Variants in KIRREL3 observed in about 807,000 individuals in gnomAD.
KIRREL3 encodes kin of IRRE-like protein 3.
In KIRREL3, 36 loss-of-function variants were observed where a neutral mutation model predicts 89.7. The ratio of observed to expected loss-of-function variants is 0.40; its 90% confidence interval spans 0.31 to 0.53. The LOEUF (loss-of-function observed/expected upper bound fraction) is 0.53, where lower values mean the gene tolerates loss of function less well. KIRREL3 is among the 20% of genes least tolerant of loss of function. The probability of loss-of-function intolerance (pLI) is 0.49; values close to 1 mark genes in which losing one functional copy is unlikely to be tolerated. For missense variants in KIRREL3, 864 were observed against 1,056.6 expected (o/e 0.82, Z 2.53); for synonymous variants, 445 against 441.4 (o/e 1.01, Z -0.10).
In KIRREL3 at chr11:126,710,476, C is replaced by T. The variant is rs527989421; in HGVS notation, c.56-147564G>A. Among the ~76,000 whole-genome samples, 185 of 152,196 alleles carry T rather than the reference C, an allele frequency of 1.2e-3. 2 individuals are homozygous for T. In the South Asian group the frequency reaches 0.024, roughly 20 times the overall value. On this transcript the variant is annotated intron_variant, in intron 1 of 16. Transcript: ENST00000525144. The surrounding 1 kb of genome is among the most constrained non-coding windows in gnomAD (Gnocchi z 4.2). Reference sequence around the variant, plus strand: ...ATTCAAGTAACCCTTCATGGCATGCCGAGATTCCTAATGAGATGAGAATAC... The same window carrying T: ...ATTCAAGTAACCCTTCATGGCATGCTGAGATTCCTAATGAGATGAGAATAC...
At position 126,471,311 on chromosome 11, in the gene KIRREL3, G is replaced by A. The variant is rs990089821; in HGVS notation, c.591+1998C>T. Reference sequence around the variant, plus strand: ...CTTGAGCCCAGGAGGTGGAGGTTGCGGTGAGCTGAGATCACGCCATTGCAC... The same window carrying A: ...CTTGAGCCCAGGAGGTGGAGGTTGCAGTGAGCTGAGATCACGCCATTGCAC... On this transcript the variant is annotated intron_variant, in intron 5 of 16. Transcript: ENST00000525144. The surrounding 1 kb of genome is among the most constrained non-coding windows in gnomAD (Gnocchi z 5.4). 4.6e-5 allele frequency among the ~76,000 whole-genome samples: 7 copies of A among 151,566 alleles called. No individual in the cohort carries two copies. Among genetic ancestry groups the A allele is most frequent in the South Asian group, 2.1e-4 (1 of 4,830 alleles).
chr11:126,480,496 AG>A (rs1460161697), intron 4 of KIRREL3, among the ~76,000 whole-genome samples: 1 of 152,234 alleles, frequency 6.6e-6, no homozygotes, highest in Non-Finnish European at 1.5e-5. Context: ...TACTTGGCAA[AG>A]ACCACACAGC....
chr11:126,502,877 T>C (rs1008281589), intron 4 of KIRREL3, among the ~76,000 whole-genome samples: 2 of 152,208 alleles, frequency 1.3e-5, no homozygotes, highest in Non-Finnish European at 2.9e-5. Flanking sequence ...TAATTATTTT[T>C]CTCTCTTGCG....
In KIRREL3 at chr11:126,508,098, C is replaced by T. The variant is rs1346889852; in HGVS notation, c.433+13217G>A. On this transcript the variant is annotated intron_variant, in intron 4 of 16. Coordinates refer to ENST00000525144, the MANE Select transcript of KIRREL3 (RefSeq NM_032531.4). This position sits in a 1 kb window ranked among gnomAD's most constrained non-coding sequence, Gnocchi z 4.9. ...CTTCTCCTCCCTTTCTTGCCTGCAC[C>T]ACTGAAGCTGCTGGGTGATCTCTCA... Among the ~76,000 whole-genome samples, 5 of 152,180 alleles carry T rather than the reference C, an allele frequency of 3.3e-5. No individual in the cohort carries two copies. The highest frequency in any genetic ancestry group is 7.3e-5 in the Non-Finnish European group (5 of 68,036).
intron 9 of KIRREL3, among the ~76,000 whole-genome samples, chr11:126,445,623 G>C (rs1591544195): frequency 3.9e-5 from 6 of 152,192 alleles, no homozygotes; most frequent in Admixed American, 3.9e-4. Flanking sequence ...TTCGAATCCC[G>C]GCTCCAGCAG....
intron 7 of KIRREL3, among the ~76,000 whole-genome samples, chr11:126,452,387 G>A (rs1956209871): frequency 6.6e-6 from 1 of 152,258 alleles, no homozygotes; most frequent in African/African-American, 2.4e-5. Context: ...CAGCCCCGCA[G>A]TTCCTTTCAC....
intron 1 of KIRREL3, among the ~76,000 whole-genome samples, chr11:126,949,399 A>G (rs1465650306): frequency 1.3e-5 from 2 of 152,074 alleles, no homozygotes; most frequent in Non-Finnish European, 2.9e-5. Flanking sequence ...TAGGCTTTGG[A>G]CCCTCGCATC....
Position 126,776,471 on chromosome 11 carries a change from C to T in KIRREL3, c.56-213559G>A, listed in dbSNP as rs1950171826. Among the ~76,000 whole-genome samples, 2 of 152,082 alleles carry T rather than the reference C, an allele frequency of 1.3e-5. No individual in the cohort carries two copies. Among genetic ancestry groups the T allele is most frequent in the African/African-American group, 4.8e-5 (2 of 41,422 alleles). The stretch of plus-strand genomic sequence containing the variant: ...AATCAAATGAAATGATTTGCAGCAC[C>T]ATAGCAGAGATATGGTGCTGCAGGA... On this transcript the variant is annotated intron_variant, in intron 1 of 16. Transcript: ENST00000525144. The surrounding 1 kb of genome is among the most constrained non-coding windows in gnomAD (Gnocchi z 4.7).
At chr11:126,746,735 A>T (rs1949164525) in intron 1 of KIRREL3, among the ~76,000 whole-genome samples, 1 of 152,138 alleles carries the variant, frequency 6.6e-6, no homozygotes, top group South Asian at 2.1e-4. Context: ...GGTCTGCTCA[A>T]GTTCAGGCCC....
chr11:126,889,516 GAA>G (rs754432201), intron 1 of KIRREL3, among the ~76,000 whole-genome samples: 1 of 152,030 alleles, frequency 6.6e-6, no homozygotes, highest in African/African-American at 2.4e-5. Context: ...AAAAGGAGAA[GAA>G]AAAAAGTCAA....
rs1020277471 is a variant in KIRREL3, at chr11:126,471,310, C to T, written c.591+1999G>A. ...ACTTGAGCCCAGGAGGTGGAGGTTG[C>T]GGTGAGCTGAGATCACGCCATTGCA... On this transcript the variant is annotated intron_variant, in intron 5 of 16. Coordinates refer to ENST00000525144, the MANE Select transcript of KIRREL3 (RefSeq NM_032531.4). This position sits in a 1 kb window ranked among gnomAD's most constrained non-coding sequence, Gnocchi z 5.4. Among the ~76,000 whole-genome samples, 14 of 151,634 alleles carry T rather than the reference C, an allele frequency of 9.2e-5. No homozygotes were observed. The highest frequency in any genetic ancestry group is 1.5e-4 in the African/African-American group (6 of 41,222).
In KIRREL3 at chr11:126,708,973, C is replaced by A. The variant is rs998355431; in HGVS notation, c.56-146061G>T. Among the ~76,000 whole-genome samples the A allele has an allele frequency of 9.9e-5, 15 of 152,208 alleles. No individual in the cohort carries two copies. Among genetic ancestry groups the A allele is most frequent in the Admixed American group, 6.5e-4 (10 of 15,290 alleles). Reference sequence around the variant, plus strand: ...TCTATCCCACTATTACTGTCCTGATCCGTGCTAATCCAACAGTTTCTGCCC... The same window carrying A: ...TCTATCCCACTATTACTGTCCTGATACGTGCTAATCCAACAGTTTCTGCCC... On this transcript the variant is annotated intron_variant, in intron 1 of 16. Transcript: ENST00000525144. This position sits in a 1 kb window ranked among gnomAD's most constrained non-coding sequence, Gnocchi z 5.7.
At position 126,566,620 on chromosome 11, in the gene KIRREL3, G is replaced by C. The variant is rs1292005114; in HGVS notation, c.56-3708C>G. Among the ~76,000 whole-genome samples, 1 of 152,212 alleles carries C rather than the reference G, an allele frequency of 6.6e-6. No individual in the cohort carries two copies. Among genetic ancestry groups the C allele is most frequent in the African/African-American group, 2.4e-5 (1 of 41,454 alleles). ...TGTAGCTCATTGGAAGAGAAGCCTAGATAACATAGTGGGATTTCCTCCTGG... is the reference window on the plus strand; with the variant it reads ...TGTAGCTCATTGGAAGAGAAGCCTACATAACATAGTGGGATTTCCTCCTGG... On this transcript the variant is annotated intron_variant, in intron 1 of 16. Coordinates refer to ENST00000525144, the MANE Select transcript of KIRREL3 (RefSeq NM_032531.4). The surrounding 1 kb of genome is among the most constrained non-coding windows in gnomAD (Gnocchi z 4.9).
rs1242385145 is a variant in KIRREL3 at position 126,574,607 on chromosome 11, C to A, written c.56-11695G>T. Among the ~76,000 whole-genome samples the A allele has an allele frequency of 5.3e-5, 8 of 152,138 alleles. No individual in the cohort carries two copies. The highest frequency in any genetic ancestry group is 1.9e-4 in the African/African-American group (8 of 41,436). Reference sequence around the variant, plus strand: ...AATAGCTGAGCCCCAGAGAAGTGACCCCTTTTGGGGTTATCCAATCTAGCA... The same window carrying A: ...AATAGCTGAGCCCCAGAGAAGTGACACCTTTTGGGGTTATCCAATCTAGCA... On this transcript the variant is annotated intron_variant, in intron 1 of 16. Transcript: ENST00000525144. This position sits in a 1 kb window ranked among gnomAD's most constrained non-coding sequence, Gnocchi z 5.3.
At chr11:126,986,866 G>A (rs572466538) in intron 1 of KIRREL3, among the ~76,000 whole-genome samples, 2 of 152,304 alleles carry the variant, frequency 1.3e-5, no homozygotes, top group South Asian at 2.1e-4. Context: ...TATCAGCAGT[G>A]TCCACATGGA....
intron 1 of KIRREL3, among the ~76,000 whole-genome samples, chr11:126,738,288 C>A (rs1403553781): frequency 6.6e-6 from 1 of 152,164 alleles, no homozygotes; most frequent in Non-Finnish European, 1.5e-5. Context: ...GCCCCCTCCA[C>A]CCCTGTCTTG....
chr11:126,433,159 G>A (rs924185047), intron 13 of KIRREL3, among the ~76,000 whole-genome samples: 20 of 152,214 alleles, frequency 1.3e-4, no homozygotes, highest in African/African-American at 3.6e-4. Flanking sequence ...GATTACAGGC[G>A]TGAGCCATCG....
chr11:126,717,807 T>G (rs1277944215), intron 1 of KIRREL3, among the ~76,000 whole-genome samples: 1 of 152,252 alleles, frequency 6.6e-6, no homozygotes, highest in African/African-American at 2.4e-5. Context: ...AATGCCACCC[T>G]GCGCTGATGT....
At chr11:126,790,559 T>A (rs990601966) in intron 1 of KIRREL3, among the ~76,000 whole-genome samples, 6 of 152,194 alleles carry the variant, frequency 3.9e-5, no homozygotes, top group African/African-American at 2.4e-5. Context: ...TTAAAAAAAA[T>A]ACTTGTTAGG....
Sources: allele counts gnomAD v4.1 joint callset (sites outside exome capture counted in the v4.1 genomes callset), GRCh38; gene constraint gnomAD v4.1.1; non-coding constraint Gnocchi (gnomAD v3.1); transcripts MANE v1.5; gene names NCBI Gene and HGNC (gene_info 2026-07-23, HGNC 2026-07-21).